Variants in TUBGCP3 observed in about 807,000 individuals in gnomAD.
TUBGCP3 encodes tubulin gamma complex component 3.
A neutral mutation model predicts 123.1 loss-of-function variants in TUBGCP3; 50 were observed. The ratio of observed to expected loss-of-function variants is 0.41; its 90% CI spans 0.32 to 0.51. TUBGCP3 has a LOEUF of 0.51. Ranked by LOEUF, TUBGCP3 falls within the 20% of genes least tolerant of loss-of-function variation. The pLI, the probability that TUBGCP3 is intolerant of heterozygous loss-of-function variation, is 0.36. For synonymous variants in TUBGCP3, 405 were observed against 413.9 expected, an observed-to-expected ratio of 0.98 and a Z score of 0.26; for missense variants, 882 against 1,127.0, an observed-to-expected ratio of 0.78 and a Z score of 3.11.
Position 112,524,641 on chromosome 13 carries a change from A to T in TUBGCP3, c.1556-2132T>A, listed in dbSNP as rs1461571704. ...TCTATGTACCCCCCCACAAAAAAAT[A>T]CATGTAAAATTATGTCTGAATGCTT... On this transcript the variant is annotated intron_variant, in intron 13 of 21. Transcript: ENST00000261965. This position sits in a 1 kb window ranked among gnomAD's most constrained non-coding sequence, Gnocchi z 4.4. Among the ~76,000 whole-genome samples, 1 of 152,196 alleles carries T rather than the reference A, an allele frequency of 6.6e-6. No homozygotes were observed. The highest frequency in any genetic ancestry group is 1.5e-5 in the Non-Finnish European group (1 of 68,024).
intron 11 of TUBGCP3, among the ~76,000 whole-genome samples, chr13:112,535,523 T>C (rs758187320): frequency 2.6e-5 from 4 of 152,242 alleles, no homozygotes; most frequent in Non-Finnish European, 5.9e-5. Flanking sequence ...AATTGTAGTT[T>C]TGATTTGCAT....
chr13:112,564,735 C>T (rs1031237079), intron 3 of TUBGCP3, among the ~76,000 whole-genome samples: 1 of 152,144 alleles, frequency 6.6e-6, no homozygotes, highest in Non-Finnish European at 1.5e-5. Flanking sequence ...TCGTTATTCA[C>T]TATGGCAGTA....
chr13:112,530,105 T>C (rs1219925523), intron 11 of TUBGCP3, among the ~76,000 whole-genome samples: 1 of 152,146 alleles, frequency 6.6e-6, no homozygotes, highest in Non-Finnish European at 1.5e-5. Context: ...GAAATACACA[T>C]AGGATGGCCT....
At chr13:112,560,164 C>T (rs1227306326) in intron 3 of TUBGCP3, among the ~76,000 whole-genome samples, 2 of 149,242 alleles carry the variant, frequency 1.3e-5, no homozygotes, top group African/African-American at 4.9e-5. Flanking sequence ...GGCGCGGTGG[C>T]TCACGCCTGT....
intron 17 of TUBGCP3, among the ~76,000 whole-genome samples, chr13:112,512,427 CAAAAAAAAA>C (rs35550857): frequency 7.6e-5 from 3 of 39,458 alleles, no homozygotes; most frequent in Non-Finnish European, 1.5e-4. Context: ...GACTCTGTCT[CAAAAAAAAA>C]AAAAAAAAAA....
rs116246633 is a variant in TUBGCP3, at chr13:112,511,227, C to A, written c.2086+5213G>T. ...TGCGGGAAACACCCTCTGAACCCAC[C>A]GCTCAGATGGGCCCCTCACAGGGCA... On this transcript the variant is annotated intron_variant, in intron 17 of 21. Coordinates refer to ENST00000261965, the MANE Select transcript of TUBGCP3 (RefSeq NM_006322.6). This position sits in a 1 kb window ranked among gnomAD's most constrained non-coding sequence, Gnocchi z 4.1. Among the ~76,000 whole-genome samples the A allele has an allele frequency of 2.8e-3, 434 of 152,312 alleles. 4 individuals are homozygous for A. The highest frequency in any genetic ancestry group is 0.01 in the African/African-American group (416 of 41,562).
intron 17 of TUBGCP3, among the ~76,000 whole-genome samples, chr13:112,514,087 G>A (rs1357930780): frequency 6.6e-6 from 1 of 152,140 alleles, no homozygotes. Flanking sequence ...AGCACAGTAC[G>A]GTGAGATCTT....
intron 1 of TUBGCP3, among the ~76,000 whole-genome samples, chr13:112,572,451 T>C (rs1200890502): frequency 6.6e-6 from 1 of 151,888 alleles, no homozygotes; most frequent in Non-Finnish European, 1.5e-5. Context: ...CTGGTGTGTG[T>C]TGTTCCCCTC....
chr13:112,539,316 T>C (rs894809455), intron 11 of TUBGCP3, among the ~76,000 whole-genome samples: 2 of 152,122 alleles, frequency 1.3e-5, no homozygotes, highest in Non-Finnish European at 2.9e-5. Flanking sequence ...CAGACCCAAA[T>C]CAGACTTCAG....
intron 19 of TUBGCP3, among the ~76,000 whole-genome samples, chr13:112,501,815 C>G (rs929678653): frequency 7.2e-5 from 11 of 152,110 alleles, no homozygotes; most frequent in Non-Finnish European, 1.3e-4. Context: ...ACGTGAAGAC[C>G]CCGCTTCCCA....
Position 112,489,599 on chromosome 13 carries a change from T to A in TUBGCP3, c.2547A>T (p.Ile849=), listed in dbSNP as rs1346926867. 6.2e-7 allele frequency: 1 copy of A among 1,613,964 alleles called. No homozygotes were observed. Among genetic ancestry groups the A allele is most frequent in the Admixed American group, 1.7e-5 (1 of 60,032 alleles). The change falls in exon 21 of 22, where the codon ATA becomes ATT. Residue 849 remains isoleucine (I), a synonymous_variant. Coordinates refer to ENST00000261965, the MANE Select transcript of TUBGCP3 (RefSeq NM_006322.6). The part of the protein sequence containing the change: ...SIPKMCSQLR[I]LTHFYQGIVQ... ...TACACACCTGGTAGAAATGGGTCAATATTCGCAACTGTGAGCACATTTTTG... is the reference window on the plus strand; with the variant it reads ...TACACACCTGGTAGAAATGGGTCAAAATTCGCAACTGTGAGCACATTTTTG...
At chr13:112,532,708 G>C (rs1389174352) in intron 11 of TUBGCP3, among the ~76,000 whole-genome samples, 1 of 152,176 alleles carries the variant, frequency 6.6e-6, no homozygotes, top group Non-Finnish European at 1.5e-5. Flanking sequence ...ACATTTAAGA[G>C]CAAAAAATAT....
chr13:112,528,245 G>A (rs1211661646), intron 11 of TUBGCP3, among the ~76,000 whole-genome samples: 1 of 152,204 alleles, frequency 6.6e-6, no homozygotes, highest in East Asian at 1.9e-4. Flanking sequence ...CACCCTAATA[G>A]AATTGCACTT....
At chr13:112,518,903 G>T in intron 16 of TUBGCP3, 72 bp downstream of exon 16, 2 of 1,379,928 alleles carry the variant, frequency 1.4e-6, no homozygotes, top group Non-Finnish European at 2.1e-6. Flanking sequence ...AGAGAAGAAA[G>T]CCAATTTCAA....
At chr13:112,552,254 T>C (rs1264135534) in intron 8 of TUBGCP3, among the ~76,000 whole-genome samples, 4 of 152,260 alleles carry the variant, frequency 2.6e-5, no homozygotes, top group African/African-American at 7.2e-5. Context: ...TGATTTTGTG[T>C]GTGTGTTTTG....
intron 11 of TUBGCP3, among the ~76,000 whole-genome samples, chr13:112,542,977 G>A (rs748145237): frequency 7.1e-4 from 108 of 152,160 alleles, no homozygotes; most frequent in Non-Finnish European, 1.4e-3. Context: ...GTGAAACCCC[G>A]TCTCTACTAA....
At chr13:112,601,307 C>G in the TUBGCP3 span, among the ~76,000 whole-genome samples, 1 of 152,110 alleles carries the variant, frequency 6.6e-6, no homozygotes, top group East Asian at 1.9e-4. Flanking sequence ...TCTCATCTTG[C>G]TCGTCCTCAT....
chr13:112,585,139 T>C (rs912152718), intron 1 of TUBGCP3, among the ~76,000 whole-genome samples: 24 of 152,204 alleles, frequency 1.6e-4, no homozygotes, highest in African/African-American at 5.6e-4. Context: ...CTTGATTTCA[T>C]AGTACTAAAA....
chr13:112,517,390 C>T (rs2139051661), intron 16 of TUBGCP3, among the ~76,000 whole-genome samples: 1 of 152,264 alleles, frequency 6.6e-6, no homozygotes, highest in East Asian at 1.9e-4. Flanking sequence ...GGCATGACAA[C>T]TTTGACACTC....
Sources: allele counts gnomAD v4.1 joint callset (sites outside exome capture counted in the v4.1 genomes callset), GRCh38; gene constraint gnomAD v4.1.1; non-coding constraint Gnocchi (gnomAD v3.1); transcripts MANE v1.5; gene names NCBI Gene and HGNC (gene_info 2026-07-23, HGNC 2026-07-21).